Variants in APBA1 observed in about 807,000 individuals in gnomAD.
The protein encoded by APBA1 is amyloid-beta A4 precursor protein-binding family A member 1.
APBA1 carries 55 observed loss-of-function variants against 86.6 expected under a neutral mutation model. The observed-to-expected ratio is 0.64, with a 90% CI of 0.51 to 0.80. The LOEUF is 0.80. APBA1 is among the 30% of genes least tolerant of loss of function. The pLI is 0.00. For synonymous variants in APBA1, 511 were observed against 493.9 expected (o/e 1.03, Z -0.46); for missense variants, 1,090 against 1,183.0 (o/e 0.92, Z 1.15).
chr9:69,457,935 T>A (rs1214782957), intron 6 of APBA1, among the ~76,000 whole-genome samples: 1 of 152,212 alleles, frequency 6.6e-6, no homozygotes, highest in Non-Finnish European at 1.5e-5. Context: ...ATCTGCTCCC[T>A]GTCGTTCCTC....
chr9:69,517,237 A>G lies in APBA1; in HGVS notation c.-27T>C. 2 of 1,436,380 alleles carry G rather than the reference A, an allele frequency of 1.4e-6. No individual in the cohort carries two copies. Among genetic ancestry groups the G allele is most frequent in the East Asian group, 2.6e-5 (1 of 37,890 alleles). 89.0% of individuals were successfully genotyped at this position (1,436,380 alleles called of 1,614,324 possible). The stretch of plus-strand genomic sequence containing the variant: ...GTGGGAGTCGGAACGGCTAGGAGAG[A>G]AGCTGGGCCCGGCTCACTGCGCTCT... On this transcript the variant is annotated 5_prime_UTR_variant, in exon 2 of 13. Transcript: ENST00000265381.
At chr9:69,575,951 C>T (rs951051586) in intron 1 of APBA1, among the ~76,000 whole-genome samples, 3 of 152,232 alleles carry the variant, frequency 2.0e-5, no homozygotes, top group Admixed American at 6.5e-5. Context: ...TTTTTGCAAG[C>T]TACTCATCTG....
chr9:69,513,803 T>TA (rs1339966812), intron 2 of APBA1, among the ~76,000 whole-genome samples: 1 of 152,240 alleles, frequency 6.6e-6, no homozygotes, highest in Admixed American at 6.5e-5. Flanking sequence ...CTGACCTGCG[T>TA]AGCTCTTTAT....
intron 1 of APBA1, among the ~76,000 whole-genome samples, chr9:69,633,856 A>C (rs926839432): frequency 6.6e-6 from 1 of 152,206 alleles, no homozygotes; most frequent in Non-Finnish European, 1.5e-5. Flanking sequence ...CCAGAAGCTT[A>C]ATTTTAGAAG....
At chr9:69,488,916 C>A (rs1482541000) in intron 2 of APBA1, among the ~76,000 whole-genome samples, 1 of 151,094 alleles carries the variant, frequency 6.6e-6, no homozygotes, top group Non-Finnish European at 1.5e-5. Flanking sequence ...AGGAATCCAA[C>A]TTACAAGGGA....
chr9:69,439,031 A>C (rs2133790183), intron 11 of APBA1, among the ~76,000 whole-genome samples: 1 of 16,246 alleles, frequency 6.2e-5, no homozygotes, highest in East Asian at 8.0e-4. Context: ...TTTCTCCTTC[A>C]CTTATGAAGT....
At chr9:69,487,723 C>T (rs1271680741) in intron 2 of APBA1, among the ~76,000 whole-genome samples, 1 of 152,044 alleles carries the variant, frequency 6.6e-6, no homozygotes, top group African/African-American at 2.4e-5. Flanking sequence ...TGATGTCCTG[C>T]ACTGCGGATT....
At chr9:69,657,658 A>G (rs1823638366) in intron 1 of APBA1, among the ~76,000 whole-genome samples, 2 of 152,346 alleles carry the variant, frequency 1.3e-5, no homozygotes. Flanking sequence ...TATTAAGCCT[A>G]TTTTTTATGA....
chr9:69,502,980 TTTTA>T (rs1319540856), intron 2 of APBA1, among the ~76,000 whole-genome samples: 1 of 152,150 alleles, frequency 6.6e-6, no homozygotes, highest in Admixed American at 6.5e-5. Context: ...TTGACCTACT[TTTTA>T]TTTCTTTACT....
intron 1 of APBA1, among the ~76,000 whole-genome samples, chr9:69,592,612 A>G (rs1416996440): frequency 6.6e-6 from 1 of 151,872 alleles, no homozygotes; most frequent in Non-Finnish European, 1.5e-5. Flanking sequence ...ATAAATAAAG[A>G]AATAAATAGT....
chr9:69,475,786 G>A (rs372593961), intron 3 of APBA1, among the ~76,000 whole-genome samples: 13 of 152,304 alleles, frequency 8.5e-5, no homozygotes, highest in Non-Finnish European at 1.5e-4. Flanking sequence ...CACCCTGTCC[G>A]AGCACTTGAA....
At chr9:69,636,967 G>GAA in intron 1 of APBA1, among the ~76,000 whole-genome samples, 1 of 151,524 alleles carries the variant, frequency 6.6e-6, no homozygotes, top group East Asian at 1.9e-4. Context: ...AAGAAAGAAA[G>GAA]AAAGAAAGAA....
intron 8 of APBA1, among the ~76,000 whole-genome samples, chr9:69,453,914 C>T (rs1428728959): frequency 6.6e-6 from 1 of 152,210 alleles, no homozygotes; most frequent in East Asian, 1.9e-4. Flanking sequence ...ATTAGTGTCC[C>T]CACTGGGTAG....
chr9:69,568,181 GA>G (rs1837060801), intron 1 of APBA1, among the ~76,000 whole-genome samples: 1 of 152,138 alleles, frequency 6.6e-6, no homozygotes, highest in Admixed American at 6.5e-5. Context: ...GGCTTCCTGA[GA>G]ATGTCCCCCA....
intron 3 of APBA1, among the ~76,000 whole-genome samples, chr9:69,475,756 G>A (rs1835434867): frequency 6.6e-6 from 1 of 152,252 alleles, no homozygotes; most frequent in Non-Finnish European, 1.5e-5. Flanking sequence ...TTCCTGCAGT[G>A]ATGCAAATGC....
chr9:69,623,500 AGAC>A (rs1392876201), intron 1 of APBA1, among the ~76,000 whole-genome samples: 2 of 152,194 alleles, frequency 1.3e-5, no homozygotes, highest in African/African-American at 4.8e-5. Context: ...AGAGGGAAGA[AGAC>A]GATTTAAAGC....
At chr9:69,520,784 A>G (rs1175496364) in intron 1 of APBA1, among the ~76,000 whole-genome samples, 1 of 152,090 alleles carries the variant, frequency 6.6e-6, no homozygotes, top group Non-Finnish European at 1.5e-5. Context: ...CCTCAAACTG[A>G]TGCCAGAGTC....
intron 1 of APBA1, among the ~76,000 whole-genome samples, chr9:69,643,050 T>TC (rs1823321567): frequency 6.8e-6 from 1 of 147,052 alleles, no homozygotes; most frequent in Non-Finnish European, 1.5e-5. Flanking sequence ...ACACCCCTCC[T>TC]CCCCCCTCCA....
At chr9:69,457,584 G>A (rs1191375370) in intron 6 of APBA1, among the ~76,000 whole-genome samples, 4 of 152,112 alleles carry the variant, frequency 2.6e-5, no homozygotes, top group Admixed American at 6.5e-5. Context: ...CCATTTGGAT[G>A]CAGTTCTGGT....
Sources: allele counts gnomAD v4.1 joint callset (sites outside exome capture counted in the v4.1 genomes callset), GRCh38; gene constraint gnomAD v4.1.1; transcripts MANE v1.5; gene names NCBI Gene and HGNC (gene_info 2026-07-23, HGNC 2026-07-21).